Variants in TRIM33 observed in about 807,000 individuals in gnomAD.
TRIM33 encodes E3 ubiquitin-protein ligase TRIM33.
TRIM33 carries 20 observed loss-of-function variants against 125.4 expected under a neutral mutation model. The ratio of observed to expected loss-of-function variants is 0.16; its 90% CI spans 0.11 to 0.23. TRIM33 has a LOEUF of 0.23. TRIM33 is among the 10% of genes least tolerant of loss of function. The probability of loss-of-function intolerance (pLI) is 1.00; values close to 1 mark genes in which losing one functional copy is unlikely to be tolerated. For missense variants in TRIM33, 920 were observed against 1,411.4 expected (o/e 0.65, Z 5.58); for synonymous variants, 564 against 513.9 (o/e 1.10, Z -1.32).
At chr1:114,489,726 C>G (rs971542576) in intron 1 of TRIM33, among the ~76,000 whole-genome samples, 3 of 152,058 alleles carry the variant, frequency 2.0e-5, no homozygotes, top group Admixed American at 1.3e-4. Context: ...GCCTGGGGAA[C>G]AGAGCAAGAC....
At chr1:114,505,539 T>C (rs1381695983) in intron 1 of TRIM33, among the ~76,000 whole-genome samples, 1 of 152,152 alleles carries the variant, frequency 6.6e-6, no homozygotes, top group Non-Finnish European at 1.5e-5. Flanking sequence ...TGTTGCCATC[T>C]CAGACTTTTC....
intron 1 of TRIM33, among the ~76,000 whole-genome samples, chr1:114,496,840 C>T (rs2101554574): frequency 6.6e-6 from 1 of 152,204 alleles, no homozygotes; most frequent in Non-Finnish European, 1.5e-5. Context: ...TCAGATATTC[C>T]ATTTTAAACT....
At chr1:114,416,976 AGAG>A (rs1425193925) in intron 11 of TRIM33, among the ~76,000 whole-genome samples, 1 of 152,244 alleles carries the variant, frequency 6.6e-6, no homozygotes, top group African/African-American at 2.4e-5. Flanking sequence ...CCTGACAGCC[AGAG>A]AAGAAAAGCA....
At chr1:114,405,886 CA>C in intron 14 of TRIM33, 127 bp from the exon 15 acceptor site, 1 of 826,148 alleles carries the variant, frequency 1.2e-6, no homozygotes, top group East Asian at 2.7e-5. Context: ...TTATAGATCA[CA>C]ATAGTGCCAT....
At chr1:114,409,487 T>C (rs1169164919) in intron 12 of TRIM33, among the ~76,000 whole-genome samples, 8 of 152,202 alleles carry the variant, frequency 5.3e-5, no homozygotes, top group Admixed American at 1.3e-4. Context: ...ACTAAGTGTT[T>C]TAAAGTTGAC....
chr1:114,510,950 C>G lies in TRIM33; in HGVS notation c.127G>C (p.Val43Leu), dbSNP rs1212716052. ...CCGCCTTCCTCCTCCTCCTCCTCCACCAGCACCGCGGTGAGAGGCGGCTCC... is the reference window on the plus strand; with the variant it reads ...CCGCCTTCCTCCTCCTCCTCCTCCAGCAGCACCGCGGTGAGAGGCGGCTCC... ...EAEPPLTAVL[V>L]EEEEEEGGRA... The change falls in exon 1 of 20, where the codon GTG becomes CTG. Residue 43 changes from valine (V) to leucine (L), a missense_variant. Coordinates refer to ENST00000358465, the MANE Select transcript of TRIM33 (RefSeq NM_015906.4). 6 of 1,405,994 alleles carry G rather than the reference C, an allele frequency of 4.3e-6. No individual in the cohort carries two copies. The highest frequency in any genetic ancestry group is 4.6e-6 in the Non-Finnish European group (5 of 1,081,738). The allele number at this position is 1,405,994 out of a possible 1,614,324, so 87.1% of individuals were successfully genotyped here.
In TRIM33 at chr1:114,397,606, CG is replaced by C. The variant is rs1343079967; in HGVS notation, c.*41del. 1.5e-4 allele frequency: 44 copies of C among 291,382 alleles called. No homozygotes were observed. The highest frequency in any genetic ancestry group is 6.0e-4 in the South Asian group (8 of 13,382). 18.0% of individuals were successfully genotyped at this position (291,382 alleles called of 1,614,324 possible). ...TTTTTTGTGTTTTTTTTTTTTTTTT[CG>C]TTTTTTTTTTTTTAAACAATTGATT... On this transcript the variant is annotated 3_prime_UTR_variant, in exon 20 of 20. Transcript: ENST00000358465.
chr1:114,418,732 G>T (rs144018304), intron 11 of TRIM33, among the ~76,000 whole-genome samples: 1 of 151,816 alleles, frequency 6.6e-6, no homozygotes, highest in Non-Finnish European at 1.5e-5. Context: ...GAGGTTTCTC[G>T]CATGTCTGAC....
chr1:114,492,620 C>G (rs998907686), intron 1 of TRIM33, among the ~76,000 whole-genome samples: 6 of 152,168 alleles, frequency 3.9e-5, no homozygotes, highest in African/African-American at 1.4e-4. Context: ...CTCTAGTCTA[C>G]TTTCTGTCTC....
intron 1 of TRIM33, among the ~76,000 whole-genome samples, chr1:114,507,742 C>A (rs945471957): frequency 9.9e-5 from 15 of 152,142 alleles, no homozygotes; most frequent in Non-Finnish European, 2.9e-5. Context: ...CTCTTTCCAG[C>A]ACAGCTTGAT....
chr1:114,458,502 T>C (rs953080841), intron 4 of TRIM33, among the ~76,000 whole-genome samples: 5 of 152,176 alleles, frequency 3.3e-5, no homozygotes, highest in Admixed American at 3.3e-4. Context: ...CATAACTCAC[T>C]GCACAAAGAC....
Position 114,421,422 on chromosome 1 carries a change from A to G in TRIM33, c.2061+14T>C. 2 of 1,609,506 alleles carry G rather than the reference A, an allele frequency of 1.2e-6. No individual in the cohort carries two copies. The highest frequency in any genetic ancestry group is 1.7e-6 in the Non-Finnish European group (2 of 1,175,862). On this transcript the variant is annotated intron_variant, in intron 11 of 19. Coordinates refer to ENST00000358465, the MANE Select transcript of TRIM33 (RefSeq NM_015906.4). ...ATTAAGTTTAATGAAGCCTCATTCA[A>G]CTCAAATACAAACCTGTATGGGTGG...
chr1:114,421,956 C>T (rs1647230132), intron 10 of TRIM33, among the ~76,000 whole-genome samples: 2 of 152,180 alleles, frequency 1.3e-5, no homozygotes, highest in South Asian at 4.1e-4. Flanking sequence ...AAGAGAACTA[C>T]CATTCGGTCA....
At chr1:114,458,173 T>A (rs1649736488) in intron 4 of TRIM33, among the ~76,000 whole-genome samples, 1 of 152,176 alleles carries the variant, frequency 6.6e-6, no homozygotes. Context: ...GAAACCACCT[T>A]TGTAAAGCTA....
At chr1:114,419,176 G>A (rs1316209797) in intron 11 of TRIM33, among the ~76,000 whole-genome samples, 5 of 144,052 alleles carry the variant, frequency 3.5e-5, no homozygotes, top group Non-Finnish European at 7.5e-5. Flanking sequence ...ACTCCAGCCT[G>A]GGCAACAGAG....
chr1:114,505,099 C>T (rs1477463884), intron 1 of TRIM33, among the ~76,000 whole-genome samples: 2 of 152,144 alleles, frequency 1.3e-5, no homozygotes, highest in Non-Finnish European at 2.9e-5. Flanking sequence ...ATTATTACTC[C>T]CAATTTACAG....
chr1:114,424,591 T>C lies in TRIM33; in HGVS notation c.1860A>G (p.Gln620=), dbSNP rs1489896774. ...YSMMQPHLQR[Q]HSNPGHAGPF... is the part of the protein sequence containing the mutation. ...CTTACAAATGTAACTCTAGGCATACTTGTCTTTGGAGGTGTGGCTGCATCA... is the reference window on the plus strand; with the variant it reads ...CTTACAAATGTAACTCTAGGCATACCTGTCTTTGGAGGTGTGGCTGCATCA... The change falls in exon 10 of 20, where the codon CAA becomes CAG. Residue 620 remains glutamine (Q), a splice_region_variant and synonymous_variant. Coordinates refer to ENST00000358465, the MANE Select transcript of TRIM33 (RefSeq NM_015906.4). 6.4e-7 allele frequency: 1 copy of C among 1,568,890 alleles called. No individual in the cohort carries two copies. Among genetic ancestry groups the C allele is most frequent in the Non-Finnish European group, 8.6e-7 (1 of 1,161,794 alleles).
intron 1 of TRIM33, among the ~76,000 whole-genome samples, chr1:114,486,174 G>T (rs559741211): frequency 6.6e-6 from 1 of 152,110 alleles, no homozygotes; most frequent in Non-Finnish European, 1.5e-5. Context: ...TATTTGGTAG[G>T]CTGAGGCAGG....
At chr1:114,474,754 T>C (rs1650872566) in intron 1 of TRIM33, among the ~76,000 whole-genome samples, 1 of 151,182 alleles carries the variant, frequency 6.6e-6, no homozygotes, top group Non-Finnish European at 1.5e-5. Context: ...TAGCTGGGTG[T>C]GGTGGCGCAT....
Sources: allele counts gnomAD v4.1 joint callset (sites outside exome capture counted in the v4.1 genomes callset), GRCh38; gene constraint gnomAD v4.1.1; transcripts MANE v1.5; gene names NCBI Gene and HGNC (gene_info 2026-07-23, HGNC 2026-07-21).